Variants in SCUBE2 observed in about 807,000 individuals in gnomAD.
SCUBE2 encodes the protein signal peptide, CUB and EGF-like domain-containing protein 2.
SCUBE2 carries 114 observed loss-of-function variants against 125.9 expected under a neutral mutation model. That is an observed-to-expected ratio of 0.91 (90% CI 0.78 to 1.06). SCUBE2 has a LOEUF of 1.06. Ranked by LOEUF, SCUBE2 falls within the 50% of genes least tolerant of loss-of-function variation. The pLI is 0.00. For missense variants in SCUBE2, 1,255 were observed against 1,301.8 expected (o/e 0.96, Z 0.55); for synonymous variants, 459 against 492.9 (o/e 0.93, Z 0.91).
rs903157265 is a variant in SCUBE2 at position 9,079,639 on chromosome 11, T to C, written c.257-130A>G. 5.4e-6 allele frequency: 5 copies of C among 925,098 alleles called. No individual in the cohort carries two copies. The South Asian group carries it at 8.8e-5, about 16-fold the overall frequency. The allele number at this position is 925,098 out of a possible 1,614,324, so 57.3% of individuals were successfully genotyped here. A position where few individuals can be genotyped will look rare whatever the true frequency, so the allele number is the denominator to read the frequency against. The stretch of plus-strand genomic sequence containing the variant: ...ACATCCCTAACAATAGGAAAACAAA[T>C]ACGCACAAGGTTATTCACTGCAGTG... On this transcript the variant is annotated intron_variant, in intron 2 of 22. Coordinates refer to ENST00000649792, the MANE Select transcript of SCUBE2 (RefSeq NM_001367977.2).
intron 2 of SCUBE2, among the ~76,000 whole-genome samples, chr11:9,084,380 G>A (rs914895298): frequency 8.5e-5 from 13 of 152,186 alleles, no homozygotes; most frequent in Non-Finnish European, 5.9e-5. Context: ...TTAAAGAAAT[G>A]CAAAATTACC....
intron 2 of SCUBE2, among the ~76,000 whole-genome samples, chr11:9,082,124 T>C (rs1376685690): frequency 6.6e-6 from 1 of 152,266 alleles, no homozygotes; most frequent in African/African-American, 2.4e-5. Flanking sequence ...ATTGTCCATT[T>C]GCATATCATC....
Position 9,052,781 on chromosome 11 carries a change from T to C in SCUBE2, c.1499A>G (p.Asn500Ser). The C allele has an allele frequency of 6.5e-7, 1 of 1,537,224 alleles. No individual in the cohort carries two copies. Among genetic ancestry groups the C allele is most frequent in the East Asian group, 2.4e-5 (1 of 40,926 alleles). ...VTCGSSSPLR[N>S]KQQKSNDSAF... ...AGAGTCATTTGATTTTTGTTGTTTG[T>C]TCCTGAGAGGAGAGGAAGAGCCACA... The change falls in exon 13 of 23, where the codon AAC (asparagine) becomes AGC (serine). Residue 500 changes from asparagine (N) to serine (S), a missense_variant. By Grantham distance (46) the Asn-to-Ser change is conservative. This residue lies in a region of SCUBE2 where 378 missense variants were observed against 463.1 expected (regional missense o/e 0.82). Coordinates refer to ENST00000649792, the MANE Select transcript of SCUBE2 (RefSeq NM_001367977.2).
chr11:9,083,750 C>T (rs1861841811), intron 2 of SCUBE2, among the ~76,000 whole-genome samples: 1 of 151,976 alleles, frequency 6.6e-6, no homozygotes, highest in African/African-American at 2.4e-5. Flanking sequence ...CTATCTTGGC[C>T]AGGCTGGTCT....
At chr11:9,039,734 A>G (rs2135276922) in intron 16 of SCUBE2, among the ~76,000 whole-genome samples, 1 of 152,244 alleles carries the variant, frequency 6.6e-6, no homozygotes, top group Middle Eastern at 3.4e-3. Flanking sequence ...CATCTCTGTG[A>G]GGCACAAGAC....
At chr11:9,065,445 T>C (rs1860119089) in intron 7 of SCUBE2, among the ~76,000 whole-genome samples, 1 of 152,204 alleles carries the variant, frequency 6.6e-6, no homozygotes, top group Non-Finnish European at 1.5e-5. Context: ...TGATTATAAG[T>C]TTCCTGAGGC....
chr11:9,067,001 T>C (rs1293039535), intron 5 of SCUBE2, among the ~76,000 whole-genome samples, 188 bp from the exon 6 acceptor site: 2 of 152,180 alleles, frequency 1.3e-5, no homozygotes, highest in Non-Finnish European at 2.9e-5. Flanking sequence ...ATAGTTACAA[T>C]ACAAATTGTA....
chr11:9,087,291 T>G (rs1862170759), intron 2 of SCUBE2, among the ~76,000 whole-genome samples: 1 of 152,220 alleles, frequency 6.6e-6, no homozygotes, highest in South Asian at 2.1e-4. Flanking sequence ...CTAAATAAAG[T>G]CAGTGGAATG....
chr11:9,073,725 T>C (rs1057148344), intron 4 of SCUBE2, among the ~76,000 whole-genome samples: 1 of 152,210 alleles, frequency 6.6e-6, no homozygotes, highest in African/African-American at 2.4e-5. Context: ...TGTGACTCTT[T>C]AGCTTAAGAA....
intron 5 of SCUBE2, 146 bp downstream of exon 5, chr11:9,069,224 T>C (rs570239492): frequency 2.2e-6 from 2 of 926,858 alleles, no homozygotes; most frequent in African/African-American, 1.6e-5. Context: ...AGTGAACAAG[T>C]ACTTGGTAGA....
intron 22 of SCUBE2, 134 bp downstream of exon 22, chr11:9,021,742 A>G: frequency 1.6e-6 from 1 of 624,986 alleles, no homozygotes; most frequent in Non-Finnish European, 2.9e-6. Flanking sequence ...TGGTGAAGGT[A>G]TAAAACTGAC....
At chr11:9,067,596 GAAC>G (rs551093599) in intron 5 of SCUBE2, among the ~76,000 whole-genome samples, 6 of 152,144 alleles carry the variant, frequency 3.9e-5, no homozygotes, top group Non-Finnish European at 7.3e-5. Flanking sequence ...GTATGCATAT[GAAC>G]AACAACTAAA....
intron 16 of SCUBE2, among the ~76,000 whole-genome samples, chr11:9,038,944 G>A (rs1347469722): frequency 1.3e-5 from 2 of 151,970 alleles, no homozygotes; most frequent in Non-Finnish European, 2.9e-5. Context: ...TACCCAGGCT[G>A]GAGTGATCAT....
At chr11:9,028,123 C>A (rs1263365475) in intron 19 of SCUBE2, among the ~76,000 whole-genome samples, 1 of 152,126 alleles carries the variant, frequency 6.6e-6, no homozygotes, top group Non-Finnish European at 1.5e-5. Flanking sequence ...GCGATCATGG[C>A]TCACTGCGCC....
At chr11:9,064,988 C>T (rs1277547555) in intron 7 of SCUBE2, 1 of 152,064 alleles carries the variant, frequency 6.6e-6, no homozygotes, top group East Asian at 1.9e-4. Context: ...TGTTGCCCCT[C>T]TCCATTCATC....
intron 4 of SCUBE2, among the ~76,000 whole-genome samples, chr11:9,071,400 C>T (rs1860792779): frequency 6.6e-6 from 1 of 152,240 alleles, no homozygotes; most frequent in Non-Finnish European, 1.5e-5. Flanking sequence ...CCACATCAAG[C>T]TACACCTGAA....
chr11:9,069,989 T>A (rs1860624028), intron 4 of SCUBE2, among the ~76,000 whole-genome samples: 1 of 152,078 alleles, frequency 6.6e-6, no homozygotes, highest in Non-Finnish European at 1.5e-5. Context: ...CTGAGGTGAG[T>A]GTGACTGTGG....
At chr11:9,023,392 AT>A (rs1485468585) in intron 21 of SCUBE2, among the ~76,000 whole-genome samples, 1 of 152,244 alleles carries the variant, frequency 6.6e-6, no homozygotes, top group Non-Finnish European at 1.5e-5. Flanking sequence ...AATATAAAAT[AT>A]GAGAATACAT....
At chr11:9,029,786 T>C (rs1411190365) in intron 19 of SCUBE2, 98 bp downstream of exon 19, 2 of 1,323,738 alleles carry the variant, frequency 1.5e-6, no homozygotes, top group Non-Finnish European at 2.1e-6. Flanking sequence ...TGGTTCTGAG[T>C]GAACCTGGGA....
Sources: allele counts gnomAD v4.1 joint callset (sites outside exome capture counted in the v4.1 genomes callset), GRCh38; gene constraint gnomAD v4.1.1; regional missense constraint gnomAD v4.1.1; transcripts MANE v1.5; gene names NCBI Gene and HGNC (gene_info 2026-07-23, HGNC 2026-07-21).